RHEB: variants seen among roughly 807,000 people sequenced by gnomAD.
RHEB encodes the protein Ras homolog, mTORC1 binding.
A neutral mutation model predicts 28.8 loss-of-function variants in RHEB; 2 were observed. The observed-to-expected ratio is 0.07, with a 90% CI of 0.03 to 0.22. The LOEUF is 0.22. Among genes scored for constraint, RHEB ranks in the 10% least tolerant of loss-of-function variants. The pLI is 1.00. For synonymous variants in RHEB, 69 were observed against 77.3 expected, an observed-to-expected ratio of 0.89 and a Z score of 0.56; for missense variants, 76 against 219.9, an observed-to-expected ratio of 0.35 and a Z score of 4.14.
At chr7:151,492,422 C>T (rs1234301174) in intron 1 of RHEB, among the ~76,000 whole-genome samples, 1 of 152,014 alleles carries the variant, frequency 6.6e-6, no homozygotes, top group South Asian at 2.1e-4. Context: ...CGAGACCAGC[C>T]TGGCCAACAT....
At chr7:151,498,936 C>G (rs1051787469) in intron 1 of RHEB, among the ~76,000 whole-genome samples, 1 of 152,188 alleles carries the variant, frequency 6.6e-6, no homozygotes, top group African/African-American at 2.4e-5. Context: ...TGGATTAATT[C>G]ATTCATTTAC....
intron 3 of RHEB, among the ~76,000 whole-genome samples, chr7:151,480,997 G>A (rs959761878): frequency 3.3e-5 from 5 of 152,040 alleles, no homozygotes; most frequent in Non-Finnish European, 7.4e-5. Context: ...TTATGCCGGA[G>A]GTTGCAAAAT....
At chr7:151,496,193 G>C (rs895946491) in intron 1 of RHEB, among the ~76,000 whole-genome samples, 2 of 152,144 alleles carry the variant, frequency 1.3e-5, no homozygotes, top group Non-Finnish European at 2.9e-5. Flanking sequence ...CAGTGGGCCT[G>C]AAAGCCCACT....
At chr7:151,494,790 ATTAT>A (rs1404208812) in intron 1 of RHEB, among the ~76,000 whole-genome samples, 1 of 152,220 alleles carries the variant, frequency 6.6e-6, no homozygotes, top group Non-Finnish European at 1.5e-5. Context: ...GAGGTCATTA[ATTAT>A]TTAACTAATC....
At chr7:151,498,130 C>A in intron 1 of RHEB, 1 of 1,289,692 alleles carries the variant, frequency 7.8e-7, no homozygotes, top group South Asian at 1.2e-5. Flanking sequence ...GTGCGCCCTG[C>A]AGAACTATAA....
At chr7:151,479,465 A>G (rs141774982) in intron 3 of RHEB, among the ~76,000 whole-genome samples, 410 of 152,206 alleles carry the variant, frequency 2.7e-3, no homozygotes, top group Non-Finnish European at 4.0e-3. Context: ...GGCAGATCAC[A>G]AGGTCAGGAG....
intron 1 of RHEB, among the ~76,000 whole-genome samples, chr7:151,497,706 A>T (rs1802698452): frequency 6.6e-6 from 1 of 152,174 alleles, no homozygotes; most frequent in African/African-American, 2.4e-5. Flanking sequence ...CTGGGCATGT[A>T]GCCCTGTCTG....
At chr7:151,502,006 C>A (rs145305493) in intron 1 of RHEB, 21 of 513,052 alleles carry the variant, frequency 4.1e-5, no homozygotes, top group Non-Finnish European at 5.9e-5. Context: ...GAGGCCGAGG[C>A]GGGCAGATCA....
At chr7:151,514,434 C>G (rs1803041444) in intron 1 of RHEB, among the ~76,000 whole-genome samples, 1 of 151,812 alleles carries the variant, frequency 6.6e-6, no homozygotes, top group Admixed American at 6.6e-5. Context: ...AAAGGACAAC[C>G]CACAGACAGG....
intron 2 of RHEB, among the ~76,000 whole-genome samples, chr7:151,488,267 TTAA>T (rs1802519123): frequency 6.6e-6 from 1 of 152,226 alleles, no homozygotes; most frequent in African/African-American, 2.4e-5. Flanking sequence ...TGTGGTTTTA[TTAA>T]TATTATTCTC....
chr7:151,506,871 C>G (rs953877306), intron 1 of RHEB, among the ~76,000 whole-genome samples: 1 of 152,192 alleles, frequency 6.6e-6, no homozygotes. Context: ...TGCTACACAG[C>G]TGGGAAGGCG....
chr7:151,487,065 A>G (rs1017043788), intron 2 of RHEB, among the ~76,000 whole-genome samples: 1 of 152,230 alleles, frequency 6.6e-6, no homozygotes, highest in African/African-American at 2.4e-5. Flanking sequence ...CCACTTTGGG[A>G]GGCCCAGGCA....
rs543722652 is a variant in RHEB, at chr7:151,479,599, T to C, written c.193-2184A>G. ...TCAGGAGGCTGAGGCAGGAGAATGG[T>C]GTGAACCTGGGTGGCGGAGCTTGCA... On this transcript the variant is annotated intron_variant, in intron 3 of 7. Transcript: ENST00000262187. Among the ~76,000 whole-genome samples the C allele has an allele frequency of 9.6e-4, 143 of 148,876 alleles. No individual in the cohort carries two copies. In the East Asian group the frequency reaches 0.025, roughly 26 times the overall value.
intron 4 of RHEB, among the ~76,000 whole-genome samples, chr7:151,473,317 G>A (rs1316511489): frequency 1.3e-5 from 2 of 152,178 alleles, no homozygotes; most frequent in African/African-American, 4.8e-5. Flanking sequence ...CCAACAACTT[G>A]CAAGAAACTC....
chr7:151,467,057 A>T lies in RHEB; in HGVS notation c.*62T>A. 5 of 1,191,536 alleles carry T rather than the reference A, an allele frequency of 4.2e-6. No homozygotes were observed. Among genetic ancestry groups the T allele is most frequent in the Non-Finnish European group, 6.3e-6 (5 of 797,212 alleles). The allele number at this position is 1,191,536 out of a possible 1,614,324, so 73.8% of individuals were successfully genotyped here. ...AGAAGCATAGTTTATCTTCAAGGAGAACGGGCAGTTTGCTTCTTCAGGTAG... is the reference window on the plus strand; with the variant it reads ...AGAAGCATAGTTTATCTTCAAGGAGTACGGGCAGTTTGCTTCTTCAGGTAG... On this transcript the variant is annotated 3_prime_UTR_variant, in exon 8 of 8. Transcript: ENST00000262187.
At chr7:151,499,975 G>GTT (rs890957749) in intron 1 of RHEB, among the ~76,000 whole-genome samples, 1 of 152,002 alleles carries the variant, frequency 6.6e-6, no homozygotes. Context: ...CACCCAGTGA[G>GTT]TTTTTTTTGT....
At position 151,502,755 on chromosome 7, in the gene RHEB, A is replaced by G. The variant is rs1275231892; in HGVS notation, c.53-11741T>C. On this transcript the variant is annotated intron_variant, in intron 1 of 7. Transcript: ENST00000262187. ...GCGTTTTGCCCGTTTAAAAATGGAA[A>G]AGCGACATAACTATGTTCAGAAAGT... The G allele has an allele frequency of 3.3e-6, 5 of 1,517,002 alleles. No individual in the cohort carries two copies. In the East Asian group the frequency reaches 9.0e-5, roughly 27 times the overall value. 94.0% of individuals were successfully genotyped at this position (1,517,002 alleles called of 1,614,324 possible).
chr7:151,498,110 G>A (rs1053118669), intron 1 of RHEB: 1 of 1,289,384 alleles, frequency 7.8e-7, no homozygotes, highest in South Asian at 1.2e-5. Context: ...GTGCCCATGG[G>A]GATGCACCTG....
intron 1 of RHEB, chr7:151,503,161 C>T (rs1802804138): frequency 1.3e-6 from 1 of 791,830 alleles, no homozygotes; most frequent in Non-Finnish European, 2.3e-6. Context: ...TTCTTTATTG[C>T]CAAGGCACAG....
Sources: gnomAD v4.1 joint callset for allele counts (sites outside exome capture counted in the v4.1 genomes callset) on GRCh38, gnomAD v4.1.1 for gene constraint, MANE v1.5 for transcripts, NCBI Gene and HGNC (gene_info 2026-07-23, HGNC 2026-07-21) for gene names.